MED13L: variants seen among roughly 807,000 people sequenced by gnomAD.
MED13L encodes the protein mediator complex subunit 13L.
In MED13L, 7 loss-of-function variants were observed where a neutral mutation model predicts 220.9. The ratio of observed to expected loss-of-function variants is 0.03; its 90% CI spans 0.02 to 0.06. MED13L has a LOEUF of 0.06. Among genes scored for constraint, MED13L ranks in the 10% least tolerant of loss-of-function variants. The pLI is 1.00. For synonymous variants in MED13L, 1,011 were observed against 1,015.2 expected (o/e 1.00, Z 0.08); for missense variants, 1,965 against 2,760.5 (o/e 0.71, Z 6.46).
intron 2 of MED13L, among the ~76,000 whole-genome samples, chr12:116,179,558 G>GCA (rs1336311412): frequency 1.4e-5 from 2 of 146,124 alleles, no homozygotes; most frequent in Non-Finnish European, 3.1e-5. Context: ...TAGGGACTGC[G>GCA]AGCTATGATC....
In MED13L at chr12:116,237,508, A is replaced by G. The variant is rs1037511803; in HGVS notation, c.270T>C (p.Asp90=). Residue 90 remains aspartate, a synonymous_variant, in exon 2 of 31, where the codon GAT becomes GAC. Coordinates refer to ENST00000281928, the MANE Select transcript of MED13L (RefSeq NM_015335.5). ...GTATTACACCCACTAGGTTGGGTTC[A>G]TCTCCCCACCAGAATATCCATAACT... The part of the protein sequence containing the change: ...CKELWIFWWG[D]EPNLVGVIHH... 6 of 1,614,088 alleles carry G rather than the reference A, an allele frequency of 3.7e-6. No individual in the cohort carries two copies. In the Admixed American group the frequency reaches 1.0e-4, roughly 27 times the overall value.
chr12:116,124,123 CGAGAGAGAGAGAGAGAGA>C (rs58366115), intron 2 of MED13L, among the ~76,000 whole-genome samples: 1 of 133,516 alleles, frequency 7.5e-6, no homozygotes, highest in Non-Finnish European at 1.7e-5. Flanking sequence ...GAGAGAAAGA[CGAGAGAGAGAGAGAGAGA>C]GAGAGAGAGA....
rs768668777 is a variant in MED13L, at chr12:116,271,625, C to CA, written c.72+5434dup. 9.0e-3 allele frequency among the ~76,000 whole-genome samples: 623 copies of CA among 68,876 alleles called. 2 individuals are homozygous for CA. Among genetic ancestry groups the CA allele is most frequent in the East Asian group, 0.048 (118 of 2,470 alleles). The allele number at this position is 68,876 out of a possible 152,430, so 45.2% of individuals were successfully genotyped here. On this transcript the variant is annotated intron_variant, in intron 1 of 30. Transcript: ENST00000281928. ...TGGGCCACAGAGCCAGACTCCGTCT[C>CA]AAAAAAAAAAAAAAAAGAAACGTTA... is the stretch of plus-strand genomic sequence containing the variant.
intron 2 of MED13L, among the ~76,000 whole-genome samples, chr12:116,230,228 C>T (rs565471990): frequency 2.0e-5 from 3 of 151,726 alleles, no homozygotes; most frequent in African/African-American, 4.8e-5. Flanking sequence ...ACATGCAGCC[C>T]TACTCAAAAA....
intron 2 of MED13L, among the ~76,000 whole-genome samples, chr12:116,142,946 G>A (rs529911448): frequency 1.3e-5 from 2 of 152,118 alleles, no homozygotes; most frequent in Non-Finnish European, 2.9e-5. Flanking sequence ...AAATCAAACA[G>A]GTGAACTCAA....
At chr12:116,250,122 GA>G (rs1329748948) in intron 1 of MED13L, among the ~76,000 whole-genome samples, 5 of 148,536 alleles carry the variant, frequency 3.4e-5, no homozygotes, top group African/African-American at 1.2e-4. Flanking sequence ...GTCGGCAGAG[GA>G]AAAAAAGATA....
At chr12:116,265,611 T>C (rs1425688953) in intron 1 of MED13L, among the ~76,000 whole-genome samples, 2 of 152,254 alleles carry the variant, frequency 1.3e-5, no homozygotes, top group African/African-American at 2.4e-5. Flanking sequence ...TTGCGTAATA[T>C]AGCACTTTTT....
intron 1 of MED13L, among the ~76,000 whole-genome samples, chr12:116,250,947 G>T (rs1285948479): frequency 6.6e-6 from 1 of 151,624 alleles, no homozygotes; most frequent in Non-Finnish European, 1.5e-5. Flanking sequence ...AAAATGGGAG[G>T]TTTTTACATT....
chr12:116,162,689 C>G (rs1878978230), intron 2 of MED13L, among the ~76,000 whole-genome samples: 1 of 152,130 alleles, frequency 6.6e-6, no homozygotes, highest in South Asian at 2.1e-4. Flanking sequence ...CAATAAAATT[C>G]ACATATCTCC....
chr12:116,112,954 G>C (rs1387641963), intron 2 of MED13L, among the ~76,000 whole-genome samples: 1 of 152,152 alleles, frequency 6.6e-6, no homozygotes, highest in Non-Finnish European at 1.5e-5. Flanking sequence ...AAACCACCAG[G>C]AGAAGAGGGG....
At chr12:116,144,520 T>C (rs1016033521) in intron 2 of MED13L, among the ~76,000 whole-genome samples, 11 of 152,218 alleles carry the variant, frequency 7.2e-5, no homozygotes, top group African/African-American at 2.7e-4. Flanking sequence ...GCTCAAAGCA[T>C]GCTCAATATA....
At chr12:116,077,102 C>G (rs1014746612) in intron 4 of MED13L, among the ~76,000 whole-genome samples, 1 of 152,192 alleles carries the variant, frequency 6.6e-6, no homozygotes, top group Non-Finnish European at 1.5e-5. Context: ...ACAGGCTTGT[C>G]AAAGCCCACT....
chr12:115,996,909 T>C (rs1461601517), intron 15 of MED13L, 101 bp downstream of exon 15: 4 of 1,274,518 alleles, frequency 3.1e-6, no homozygotes, highest in Non-Finnish European at 3.4e-6. Context: ...CTTAGGAACT[T>C]ATGTATATAT....
intron 2 of MED13L, among the ~76,000 whole-genome samples, chr12:116,122,357 A>G (rs1593069447): frequency 6.6e-6 from 1 of 152,210 alleles, no homozygotes; most frequent in Non-Finnish European, 1.5e-5. Flanking sequence ...ACAACACTAC[A>G]CCACCACTGA....
intron 2 of MED13L, among the ~76,000 whole-genome samples, chr12:116,205,625 C>T (rs1882267788): frequency 6.7e-6 from 1 of 150,202 alleles, no homozygotes; most frequent in Admixed American, 6.6e-5. Flanking sequence ...AGAAACTGAG[C>T]TATCAGTCCA....
chr12:116,138,470 G>T (rs1301070989), intron 2 of MED13L, among the ~76,000 whole-genome samples: 1 of 152,172 alleles, frequency 6.6e-6, no homozygotes, highest in African/African-American at 2.4e-5. Flanking sequence ...GTTCTTTTCT[G>T]CAAGGGAAGC....
chr12:116,007,760 T>C, intron 10 of MED13L, 124 bp from the exon 11 acceptor site: 1 of 783,732 alleles, frequency 1.3e-6, no homozygotes, highest in South Asian at 1.7e-5. Flanking sequence ...ACAGTTTATA[T>C]TCATGATTAA....
At chr12:116,230,408 T>TA (rs1008228780) in intron 2 of MED13L, 100 of 866,870 alleles carry the variant, frequency 1.2e-4, no homozygotes, top group Non-Finnish European at 1.3e-4. Context: ...TCAACAACAA[T>TA]AAAAAAAAGT....
rs753702133 is a variant in MED13L at position 115,996,543 on chromosome 12, C to T, written c.2929G>A (p.Ala977Thr). ...AGTTGTTCAATTTTAGGAGGAATTG[C>T]CCATGAAGGCCGAAACAGACAGGCA... is the stretch of plus-strand genomic sequence containing the variant. ...PDACLFRPSW[A>T]IPPKIEQLPM... Residue 977 changes from alanine (A) to threonine (T), a missense_variant, in exon 16 of 31, where the codon GCA (alanine) becomes ACA (threonine). Ala to Thr is a moderately conservative substitution (Grantham distance 58). This residue lies in a region of MED13L where 233 missense variants were observed against 306.2 expected (regional missense o/e 0.76). Transcript: ENST00000281928. The T allele has an allele frequency of 3.1e-6, 5 of 1,614,030 alleles. No homozygotes were observed. In the African/African-American group the frequency reaches 6.7e-5, roughly 22 times the overall value.
Sources: allele counts gnomAD v4.1 joint callset (sites outside exome capture counted in the v4.1 genomes callset), GRCh38; gene constraint gnomAD v4.1.1; regional missense constraint gnomAD v4.1.1; transcripts MANE v1.5; gene names NCBI Gene and HGNC (gene_info 2026-07-23, HGNC 2026-07-21).